ACADS: variants seen among roughly 807,000 people sequenced by gnomAD.
ACADS encodes short-chain specific acyl-CoA dehydrogenase, mitochondrial.
ACADS carries 28 observed loss-of-function variants against 46.8 expected under a neutral mutation model. The ratio of observed to expected loss-of-function variants is 0.60; its 90% confidence interval spans 0.44 to 0.82. The LOEUF (loss-of-function observed/expected upper bound fraction) is 0.82. ACADS is among the 40% of genes least tolerant of loss of function. ACADS has a pLI of 0.00. For missense variants in ACADS, 528 were observed against 578.0 expected, an observed-to-expected ratio of 0.91 and a Z score of 0.89; for synonymous variants, 236 against 237.7, an observed-to-expected ratio of 0.99 and a Z score of 0.07.
At chr12:120,736,007 G>T (rs1434941695) in intron 2 of ACADS, among the ~76,000 whole-genome samples, 1 of 131,254 alleles carries the variant, frequency 7.6e-6, no homozygotes, top group South Asian at 2.6e-4. Flanking sequence ...CCCTGTCCCC[G>T]TCCCTGTCCC....
In ACADS at chr12:120,739,177, C is replaced by T. The variant is rs1378527596; in HGVS notation, c.1067C>T (p.Ala356Val). 5.6e-6 allele frequency: 9 copies of T among 1,613,022 alleles called. No individual in the cohort carries two copies. The highest frequency in any genetic ancestry group is 6.8e-6 in the Non-Finnish European group (8 of 1,180,002). Residue 356 changes from alanine (A) to valine (V), a missense_variant, in exon 9 of 10, where the codon GCG becomes GTG. Transcript: ENST00000242592. The part of the protein sequence containing the change: ...AMAKLAASEA[A>V]TAISHQAIQI... ...GCCAAGCTGGCCGCCTCGGAGGCCG[C>T]GACCGCCATCAGCCACCAGGTGAGT...
chr12:120,732,681 G>T (rs1429136232), intron 2 of ACADS, among the ~76,000 whole-genome samples: 4 of 125,666 alleles, frequency 3.2e-5, no homozygotes, highest in Admixed American at 1.6e-4. Flanking sequence ...GGGCAGAGAC[G>T]CTCCTCACTT....
At chr12:120,736,845 G>T in intron 2 of ACADS, 141 bp from the exon 3 acceptor site, 1 of 1,068,724 alleles carries the variant, frequency 9.4e-7, no homozygotes, top group Non-Finnish European at 1.3e-6. Context: ...TTCTGGACTT[G>T]GGGATCCCTT....
intron 2 of ACADS, among the ~76,000 whole-genome samples, chr12:120,736,330 CTTCA>C (rs1201637180): frequency 6.6e-6 from 1 of 152,136 alleles, no homozygotes; most frequent in East Asian, 1.9e-4. Context: ...AGCTCTTATC[CTTCA>C]TTCATTCTCT....
In ACADS at chr12:120,737,615, G is replaced by T. The variant is rs536035818; in HGVS notation, c.472+148G>T. 3.9e-5 allele frequency: 41 copies of T among 1,052,278 alleles called. No homozygotes were observed. In the African/African-American group the frequency reaches 6.1e-4, roughly 16 times the overall value. 65.2% of individuals were successfully genotyped at this position (1,052,278 alleles called of 1,614,324 possible). A position where few individuals can be genotyped will look rare whatever the true frequency, so the allele number is the denominator to read the frequency against. On this transcript the variant is annotated intron_variant, in intron 4 of 9. Coordinates refer to ENST00000242592, the MANE Select transcript of ACADS (RefSeq NM_000017.4). ...GGGTGAGCGCTCTTGCCACCGCGGCGCTGGGAGGAAGATTGCCTTCGGGGT... is the reference window on the plus strand; with the variant it reads ...GGGTGAGCGCTCTTGCCACCGCGGCTCTGGGAGGAAGATTGCCTTCGGGGT...
chr12:120,739,722 G>A lies in ACADS; in HGVS notation c.*274G>A, dbSNP rs1368699720. 37 of 520,660 alleles carry A rather than the reference G, an allele frequency of 7.1e-5. No individual in the cohort carries two copies. In the East Asian group the frequency reaches 1.2e-3, roughly 17 times the overall value. 32.3% of individuals were successfully genotyped at this position (520,660 alleles called of 1,614,324 possible). A position where few individuals can be genotyped will look rare whatever the true frequency, so the allele number is the denominator to read the frequency against. The stretch of plus-strand genomic sequence containing the variant: ...GGGCGGGGTTGTGGGGGGGCTGAGC[G>A]ACACTCAGGGACACCTCAGTTGTCC... On this transcript the variant is annotated 3_prime_UTR_variant, in exon 10 of 10. Transcript: ENST00000242592.
Position 120,729,280 on chromosome 12 carries a change from T to C in ACADS, c.210+2091T>C, listed in dbSNP as rs561684231. 1.2e-3 allele frequency among the ~76,000 whole-genome samples: 163 copies of C among 138,088 alleles called. 1 individual carries two copies. The highest frequency in any genetic ancestry group is 4.5e-3 in the African/African-American group (159 of 35,182). 90.6% of individuals were successfully genotyped at this position (138,088 alleles called of 152,430 possible). Reference sequence around the variant, plus strand: ...TTTCTTTTTTTTTTTTTTTTTGAGATGGAGTCTCACTCTGTCCCCCAGGCT... The same window carrying C: ...TTTCTTTTTTTTTTTTTTTTTGAGACGGAGTCTCACTCTGTCCCCCAGGCT... On this transcript the variant is annotated intron_variant, in intron 2 of 9. Coordinates refer to ENST00000242592, the MANE Select transcript of ACADS (RefSeq NM_000017.4).
intron 2 of ACADS, among the ~76,000 whole-genome samples, chr12:120,732,327 CCCGGACGGGGTGG>C (rs1883276021): frequency 6.6e-6 from 1 of 151,656 alleles, no homozygotes; most frequent in African/African-American, 2.4e-5. Flanking sequence ...CAACCTCCCT[CCCGGACGGGGTGG>C]CTGCCGGACG....
rs1299052760 is a variant in ACADS at position 120,738,550 on chromosome 12, C to T, written c.813C>T (p.Gly271=). 1.2e-6 allele frequency: 2 copies of T among 1,610,438 alleles called. No homozygotes were observed. Among genetic ancestry groups the T allele is most frequent in the East Asian group, 2.2e-5 (1 of 44,892 alleles). Residue 271 remains glycine (G), a synonymous_variant, in exon 7 of 10, where the codon GGC becomes GGT. Coordinates refer to ENST00000242592, the MANE Select transcript of ACADS (RefSeq NM_000017.4). The part of the protein sequence containing the change: ...FKIAMQTLDM[G]RIGIASQALG... ...CCCCACAGCAAACCCTGGACATGGG[C>T]CGCATCGGCATCGCCTCCCAGGCCC...
intron 2 of ACADS, 114 bp from the exon 3 acceptor site, chr12:120,736,872 A>T: frequency 7.3e-7 from 1 of 1,363,778 alleles, no homozygotes; most frequent in Non-Finnish European, 9.8e-7. Flanking sequence ...GGCTGGGGTC[A>T]CATGGCCTGA....
At chr12:120,738,126 A>T (rs1235987629) in intron 5 of ACADS, 138 bp downstream of exon 5, 2 of 1,567,606 alleles carry the variant, frequency 1.3e-6, no homozygotes, top group Non-Finnish European at 1.7e-6. Flanking sequence ...CTCAGCTGCC[A>T]CTGAAGCCTG....
chr12:120,738,525 C>T lies in ACADS; in HGVS notation c.796-8C>T, dbSNP rs1042689018. On this transcript the variant is annotated splice_polypyrimidine_tract_variant and splice_region_variant and intron_variant, in intron 6 of 9. Coordinates refer to ENST00000242592, the MANE Select transcript of ACADS (RefSeq NM_000017.4). Reference sequence around the variant, plus strand: ...CTGGCGGGCCACTGACCAGGGCGGTCCCCACAGCAAACCCTGGACATGGGC... The same window carrying T: ...CTGGCGGGCCACTGACCAGGGCGGTTCCCACAGCAAACCCTGGACATGGGC... 1.2e-6 allele frequency: 2 copies of T among 1,607,870 alleles called. No individual in the cohort carries two copies. The highest frequency in any genetic ancestry group is 1.1e-5 in the South Asian group (1 of 91,086).
At position 120,739,130 on chromosome 12, in the gene ACADS, C is replaced by T; in HGVS notation, c.1030-10C>T. 6.2e-7 allele frequency: 1 copy of T among 1,613,020 alleles called. No individual in the cohort carries two copies. Reference sequence around the variant, plus strand: ...TCAAGGGAAGGCTCTGACTGTACCCCCATGTTTAGGAGGCAGCCATGGCCA... The same window carrying T: ...TCAAGGGAAGGCTCTGACTGTACCCTCATGTTTAGGAGGCAGCCATGGCCA... On this transcript the variant is annotated splice_polypyrimidine_tract_variant and intron_variant, in intron 8 of 9. Transcript: ENST00000242592.
chr12:120,738,038 T>G (rs538308452), intron 5 of ACADS, 50 bp downstream of exon 5: 1 of 1,611,108 alleles, frequency 6.2e-7, no homozygotes, highest in Admixed American at 1.7e-5. Context: ...TGCTGTCATT[T>G]CTGTTTCTAG....
chr12:120,738,602 TG>T lies in ACADS; in HGVS notation c.866del (p.Cys289LeufsTer3). On this transcript the variant is annotated frameshift_variant, in exon 7 of 10. Transcript: ENST00000242592. LOFTEE classifies it high-confidence loss of function. ...GGGCATTGCCCAGACCGCCCTCGAT[TG>T]TGCTGTGAACTACGCTGAGAATCGC... ...ALGIAQTALD[C>X]AVNYAENRMA... 2 of 1,613,338 alleles carry T rather than the reference TG, an allele frequency of 1.2e-6. No individual in the cohort carries two copies. The highest frequency in any genetic ancestry group is 1.7e-6 in the Non-Finnish European group (2 of 1,180,018).
At position 120,728,300 on chromosome 12, in the gene ACADS, C is replaced by T. The variant is rs901794763; in HGVS notation, c.210+1111C>T. 6.6e-6 allele frequency among the ~76,000 whole-genome samples: 1 copy of T among 152,024 alleles called. No individual in the cohort carries two copies. Among genetic ancestry groups the T allele is most frequent in the Admixed American group, 6.6e-5 (1 of 15,258 alleles). On this transcript the variant is annotated intron_variant, in intron 2 of 9. Transcript: ENST00000242592. The surrounding 1 kb of genome is among the most constrained non-coding windows in gnomAD (Gnocchi z 4.0). ...CCCATCAGCGCGCTCCCTCCCGTGC[C>T]ACTGTGTTCTTCCATTTGCATTCAG...
At chr12:120,736,390 G>C (rs1237879506) in intron 2 of ACADS, among the ~76,000 whole-genome samples, 1 of 152,192 alleles carries the variant, frequency 6.6e-6, no homozygotes, top group Admixed American at 6.5e-5. Flanking sequence ...CACACAGTCT[G>C]TGCCCTCGTG....
In ACADS at chr12:120,727,127, GAGA is replaced by G. The variant is rs1194074272; in HGVS notation, c.151_153del (p.Lys51del). ...GCTCCAGACATGCCGGGACTTTGCC[GAGA>G]AGGAGTTGTTTCCCATTGCAGCCCA... On this transcript the variant is annotated inframe_deletion, in exon 2 of 10. Coordinates refer to ENST00000242592, the MANE Select transcript of ACADS (RefSeq NM_000017.4). 1 of 1,614,042 alleles carries G rather than the reference GAGA, an allele frequency of 6.2e-7. No individual in the cohort carries two copies. The highest frequency in any genetic ancestry group is 2.2e-5 in the East Asian group (1 of 44,894).
Position 120,738,934 on chromosome 12 carries a change from G to A in ACADS, c.1029+19G>A, listed in dbSNP as rs537027219. 30 of 1,612,944 alleles carry A rather than the reference G, an allele frequency of 1.9e-5. No homozygotes were observed. The highest frequency in any genetic ancestry group is 1.5e-4 in the Admixed American group (9 of 60,026). The stretch of plus-strand genomic sequence containing the variant: ...CATCAAGGTGCCCACAGGGGTCCCC[G>A]AGCCATGGCCCAGAATGTGGTGGGC... On this transcript the variant is annotated intron_variant, in intron 8 of 9. Transcript: ENST00000242592.
Sources: allele counts gnomAD v4.1 joint callset (sites outside exome capture counted in the v4.1 genomes callset), GRCh38; gene constraint gnomAD v4.1.1; non-coding constraint Gnocchi (gnomAD v3.1); transcripts MANE v1.5; gene names NCBI Gene and HGNC (gene_info 2026-07-23, HGNC 2026-07-21).